The following SDK1 variants were observed in gnomAD, a reference collection of about 807,000 sequenced individuals.
SDK1 encodes the protein sidekick cell adhesion molecule 1, also known as protein sidekick-1.
SDK1 carries 157 observed loss-of-function variants against 245.5 expected under a neutral mutation model. The ratio of observed to expected loss-of-function variants is 0.64; its 90% CI spans 0.56 to 0.73. The LOEUF is 0.73. Among genes scored for constraint, SDK1 ranks in the 30% least tolerant of loss-of-function variants. SDK1 has a pLI of 0.00. For synonymous variants in SDK1, 1,647 were observed against 1,278.5 expected (o/e 1.29, Z -6.15); for missense variants, 3,583 against 3,002.3 (o/e 1.19, Z -4.52).
intron 1 of SDK1, among the ~76,000 whole-genome samples, chr7:3,438,138 C>A (rs1213461978): frequency 6.6e-6 from 1 of 152,160 alleles, no homozygotes; most frequent in Non-Finnish European, 1.5e-5. Context: ...CCCCAGAGTG[C>A]TTTTAATGTT....
intron 1 of SDK1, among the ~76,000 whole-genome samples, chr7:3,487,446 T>G (rs1781734527): frequency 6.6e-6 from 1 of 151,876 alleles, no homozygotes; most frequent in African/African-American, 2.4e-5. Context: ...AAAAAAAATC[T>G]TAGAAATTGC....
chr7:3,580,630 C>T (rs944199963), intron 1 of SDK1, among the ~76,000 whole-genome samples: 3 of 151,982 alleles, frequency 2.0e-5, no homozygotes, highest in South Asian at 2.1e-4. Flanking sequence ...AAAATCAACT[C>T]AAGATGGATT....
At chr7:3,607,310 A>G (rs2128640843) in intron 1 of SDK1, among the ~76,000 whole-genome samples, 1 of 152,290 alleles carries the variant, frequency 6.6e-6, no homozygotes, top group East Asian at 1.9e-4. Flanking sequence ...AATCACTACA[A>G]CTTCTGTGTT....
At chr7:3,996,221 C>T (rs7804545) in intron 14 of SDK1, among the ~76,000 whole-genome samples, 13,410 of 152,120 alleles carry the variant, frequency 0.088, 658 homozygotes, top group Middle Eastern at 0.13. Flanking sequence ...CAAAAGTCTG[C>T]TTGTGGATTA....
intron 6 of SDK1, among the ~76,000 whole-genome samples, 193 bp downstream of exon 6, chr7:3,951,227 C>A (rs994943250): frequency 2.6e-5 from 4 of 152,094 alleles, no homozygotes; most frequent in African/African-American, 9.7e-5. Context: ...GAGTCCCCCA[C>A]TGCAACAGGG....
rs530619633 is a variant in SDK1, at chr7:4,268,533, G to A, written c.*3149G>A. 4.1e-4 allele frequency: 512 copies of A among 1,254,560 alleles called. 1 individual carries two copies. The highest frequency in any genetic ancestry group is 7.5e-4 in the Middle Eastern group (3 of 3,998). The allele number at this position is 1,254,560 out of a possible 1,614,324, so 77.7% of individuals were successfully genotyped here. On this transcript the variant is annotated 3_prime_UTR_variant, in exon 45 of 45. Transcript: ENST00000404826. ...GGACCCAGATGGCCACACACGGAAC[G>A]CGCCTCCACAGCCCCGGGAGGTGGC...
chr7:3,635,725 G>A (rs1782437050), intron 2 of SDK1, among the ~76,000 whole-genome samples: 1 of 151,124 alleles, frequency 6.6e-6, no homozygotes, highest in South Asian at 2.1e-4. Flanking sequence ...CTTTTTTCTT[G>A]AGACAGGATC....
chr7:3,544,946 A>G (rs956806626), intron 1 of SDK1, among the ~76,000 whole-genome samples: 1 of 152,124 alleles, frequency 6.6e-6, no homozygotes, highest in African/African-American at 2.4e-5. Context: ...TATAAAACTC[A>G]CGGACTCCTG....
chr7:3,509,147 C>G (rs1297065990), intron 1 of SDK1, among the ~76,000 whole-genome samples: 1 of 151,886 alleles, frequency 6.6e-6, no homozygotes, highest in Non-Finnish European at 1.5e-5. Context: ...ATCCATCCAT[C>G]TTAAGGTGTC....
chr7:3,987,285 T>C lies in SDK1; in HGVS notation c.2094T>C (p.Ser698=). 1 of 1,614,106 alleles carries C rather than the reference T, an allele frequency of 6.2e-7. No homozygotes were observed. Among genetic ancestry groups the C allele is most frequent in the Non-Finnish European group, 8.5e-7 (1 of 1,179,956 alleles). The change falls in exon 14 of 45, where the codon AGT becomes AGC. Residue 698 remains serine, a synonymous_variant. Transcript: ENST00000404826. ...LSWVRPFDGN[S]PILYYIVELS... is the part of the protein sequence containing the mutation. ...GGGTCCGGCCCTTTGATGGAAACAG[T>C]CCTATTCTTTATTACATCGTGGAGC...
intron 13 of SDK1, among the ~76,000 whole-genome samples, chr7:3,986,482 G>A (rs570169324): frequency 2.0e-5 from 3 of 152,300 alleles, no homozygotes; most frequent in East Asian, 1.9e-4. Flanking sequence ...TACATGTATC[G>A]GGACTTTTCC....
chr7:3,957,593 T>C (rs898490876), intron 7 of SDK1, among the ~76,000 whole-genome samples: 12 of 152,298 alleles, frequency 7.9e-5, no homozygotes, highest in African/African-American at 2.6e-4. Context: ...ATCATGACGG[T>C]AGATATTGAC....
At chr7:3,614,581 C>G (rs1375364552) in intron 1 of SDK1, among the ~76,000 whole-genome samples, 5 of 152,188 alleles carry the variant, frequency 3.3e-5, no homozygotes, top group Non-Finnish European at 5.9e-5. Flanking sequence ...TCTGTGCAGA[C>G]TTGAATACTG....
At chr7:3,311,659 T>A (rs1779552902) in intron 1 of SDK1, among the ~76,000 whole-genome samples, 1 of 152,218 alleles carries the variant, frequency 6.6e-6, no homozygotes. Flanking sequence ...TTCTGTTTCA[T>A]ATGTTGCGAC....
chr7:4,070,293 G>A (rs918143085), intron 20 of SDK1, among the ~76,000 whole-genome samples: 2 of 152,094 alleles, frequency 1.3e-5, no homozygotes, highest in African/African-American at 4.8e-5. Flanking sequence ...TCATTTCCCG[G>A]TTCACTTTGG....
At chr7:3,516,697 A>T (rs1778938669) in intron 1 of SDK1, among the ~76,000 whole-genome samples, 1 of 152,170 alleles carries the variant, frequency 6.6e-6, no homozygotes, top group South Asian at 2.1e-4. Flanking sequence ...TGTATAAATG[A>T]TAATTTGGAA....
At chr7:3,609,805 A>G (rs1037187037) in intron 1 of SDK1, among the ~76,000 whole-genome samples, 1 of 150,816 alleles carries the variant, frequency 6.6e-6, no homozygotes, top group African/African-American at 2.4e-5. Flanking sequence ...GGTTCAAGCG[A>G]TTCTCCTGCC....
intron 1 of SDK1, among the ~76,000 whole-genome samples, chr7:3,586,676 G>C (rs1208587447): frequency 6.7e-6 from 1 of 148,408 alleles, no homozygotes; most frequent in African/African-American, 2.5e-5. Context: ...CTGCACTCCA[G>C]CCTGGGCGAC....
chr7:3,887,889 G>C (rs1781374456), intron 5 of SDK1, among the ~76,000 whole-genome samples: 1 of 152,158 alleles, frequency 6.6e-6, no homozygotes, highest in Non-Finnish European at 1.5e-5. Flanking sequence ...ACTGACGTAA[G>C]ATTTGCTGGT....
Sources: allele counts gnomAD v4.1 joint callset (sites outside exome capture counted in the v4.1 genomes callset), GRCh38; gene constraint gnomAD v4.1.1; transcripts MANE v1.5; gene names NCBI Gene and HGNC (gene_info 2026-07-23, HGNC 2026-07-21).